The following CEP41 variants were observed in gnomAD, a reference collection of about 807,000 sequenced individuals.
CEP41 encodes centrosomal protein of 41 kDa.
Under a neutral mutation model 44.3 loss-of-function variants are expected in CEP41, and 32 were observed. The ratio of observed to expected loss-of-function variants is 0.72; its 90% CI spans 0.54 to 0.97. The LOEUF (loss-of-function observed/expected upper bound fraction) is 0.97. Ranked by LOEUF, CEP41 falls within the 50% of genes least tolerant of loss-of-function variation. The pLI, the probability that CEP41 is intolerant of heterozygous loss-of-function variation, is 0.00. For missense variants in CEP41, 432 were observed against 455.2 expected, an observed-to-expected ratio of 0.95 and a Z score of 0.46; for synonymous variants, 151 against 168.5, an observed-to-expected ratio of 0.90 and a Z score of 0.80.
rs184301782 is a variant in CEP41 at position 130,435,156 on chromosome 7, C to A, written c.33+5778G>T. On this transcript the variant is annotated intron_variant, in intron 1 of 10. Coordinates refer to ENST00000223208, the MANE Select transcript of CEP41 (RefSeq NM_018718.3). Reference sequence around the variant, plus strand: ...TAAAACTCTTATATTTCTCTCCATCCCCCAATCACACACATGTTCAAATGT... The same window carrying A: ...TAAAACTCTTATATTTCTCTCCATCACCCAATCACACACATGTTCAAATGT... 1.8e-4 allele frequency among the ~76,000 whole-genome samples: 28 copies of A among 152,156 alleles called. No homozygotes were observed. In the East Asian group the frequency reaches 5.4e-3, roughly 29 times the overall value.
Position 130,397,506 on chromosome 7 carries a change from A to ATTTT in CEP41, c.*1381_*1384dup, listed in dbSNP as rs55776575. The ATTTT allele has an allele frequency of 1.6e-3, 479 of 303,650 alleles. 6 individuals carry two copies. The highest frequency in any genetic ancestry group is 2.6e-3 in the African/African-American group (56 of 21,184). The allele number at this position is 303,650 out of a possible 1,614,324, so 18.8% of individuals were successfully genotyped here. ...CCCCATGCTAGAAATACTGTGGTGC[A>ATTTT]TTTTTTTTTTTTTTTTTTTTTTTTT... On this transcript the variant is annotated 3_prime_UTR_variant, in exon 11 of 11. Coordinates refer to ENST00000223208, the MANE Select transcript of CEP41 (RefSeq NM_018718.3).
chr7:130,400,320 G>A, intron 9 of CEP41, 66 bp from the exon 10 acceptor site: 1 of 1,104,458 alleles, frequency 9.1e-7, no homozygotes, highest in Non-Finnish European at 1.4e-6. Flanking sequence ...AACCTGGAAA[G>A]AAGCCTGCAT....
rs1554417279 is a variant in CEP41 at position 130,402,706 on chromosome 7, G to A, written c.516C>T (p.Pro172=). ...HTKDKPYPDC[P]FLLLDVRDRD... ...TATCACGCACATCTAGCAGCAGGAA[G>A]GGGCAGTCAGGATAAGGTTTGTCTT... Residue 172 remains proline, a synonymous_variant, in exon 7 of 11, where the codon CCC becomes CCT. Transcript: ENST00000223208. 1.1e-5 allele frequency: 18 copies of A among 1,614,162 alleles called. No individual in the cohort carries two copies. The highest frequency in any genetic ancestry group is 1.4e-5 in the Non-Finnish European group (16 of 1,180,010).
intron 7 of CEP41, 80 bp downstream of exon 7, chr7:130,402,568 T>A (rs2117564163): frequency 6.8e-7 from 1 of 1,470,912 alleles, no homozygotes; most frequent in African/African-American, 1.4e-5. Flanking sequence ...TACCATGGGC[T>A]GTGGTTCCAG....
intron 4 of CEP41, 182 bp downstream of exon 4, chr7:130,411,996 CA>C: frequency 1.7e-6 from 1 of 592,472 alleles, no homozygotes; most frequent in East Asian, 2.8e-5. Context: ...AAGAGAGAAA[CA>C]TTTCTCACCA....
intron 3 of CEP41, among the ~76,000 whole-genome samples, chr7:130,413,634 G>C (rs940310921): frequency 7.9e-5 from 12 of 151,122 alleles, no homozygotes; most frequent in Non-Finnish European, 1.8e-4. Context: ...GTGCTGTCTT[G>C]ACAATTCTGA....
intron 1 of CEP41, among the ~76,000 whole-genome samples, chr7:130,438,591 A>T (rs945549064): frequency 7.9e-5 from 12 of 151,956 alleles, no homozygotes; most frequent in African/African-American, 2.9e-4. Flanking sequence ...AATAGTAACC[A>T]CTTAACCAAT....
chr7:130,419,361 T>C (rs183310377), intron 2 of CEP41: 1 of 985,424 alleles, frequency 1.0e-6, no homozygotes, highest in East Asian at 1.1e-4. Flanking sequence ...TAAAAATGGT[T>C]TGAGAAAGTA....
At chr7:130,441,218 G>C (rs558330338), upstream of CEP41, 3 of 645,750 alleles carry the variant, frequency 4.6e-6, no homozygotes, top group Non-Finnish European at 8.5e-6. Context: ...TCTGGGCTGG[G>C]GCTCGCCGGC....
At chr7:130,420,016 A>G in intron 2 of CEP41, 7 of 985,338 alleles carry the variant, frequency 7.1e-6, no homozygotes, top group Non-Finnish European at 8.4e-6. Flanking sequence ...CATAGGAGAC[A>G]CTCAAAAATA....
chr7:130,401,164 G>A (rs548883261), intron 8 of CEP41: 19 of 305,814 alleles, frequency 6.2e-5, no homozygotes, highest in South Asian at 2.9e-4. Flanking sequence ...TATGCCTAAT[G>A]TGTCCACTGA....
intron 1 of CEP41, among the ~76,000 whole-genome samples, chr7:130,434,688 C>T (rs1797912112): frequency 6.6e-6 from 1 of 152,098 alleles, no homozygotes; most frequent in Non-Finnish European, 1.5e-5. Context: ...AAAAGCAAAT[C>T]GTATACAAAT....
upstream of CEP41, chr7:130,441,273 T>C: frequency 6.1e-6 from 1 of 162,664 alleles, no homozygotes; most frequent in South Asian, 6.8e-5. Flanking sequence ...AGGGGAAGGC[T>C]GGCGCCTGCG....
chr7:130,407,638 T>C (rs782286148), intron 5 of CEP41, among the ~76,000 whole-genome samples: 16 of 152,182 alleles, frequency 1.1e-4, no homozygotes, highest in Non-Finnish European at 1.9e-4. Context: ...ATTTCTCAAC[T>C]ATCTGGAAAA....
At chr7:130,423,861 A>G (rs1797582580) in intron 2 of CEP41, among the ~76,000 whole-genome samples, 1 of 152,074 alleles carries the variant, frequency 6.6e-6, no homozygotes, top group Non-Finnish European at 1.5e-5. Context: ...AGCCAGACAT[A>G]AAAGGCTACA....
intron 2 of CEP41, chr7:130,420,195 T>A: frequency 6.1e-6 from 2 of 330,562 alleles, no homozygotes; most frequent in Non-Finnish European, 8.6e-6. Flanking sequence ...CCAGGCATGG[T>A]GGCACATCCC....
intron 2 of CEP41, among the ~76,000 whole-genome samples, chr7:130,427,160 T>C (rs1584900271): frequency 1.3e-5 from 2 of 152,266 alleles, no homozygotes; most frequent in East Asian, 3.9e-4. Context: ...TTTTCTCAAT[T>C]GTCTTGAGGT....
upstream of CEP41, chr7:130,441,205 T>C (rs953359367): frequency 3.0e-6 from 2 of 665,194 alleles, no homozygotes; most frequent in Admixed American, 4.1e-5. Flanking sequence ...AGGCCTTTTG[T>C]TCTCTGGGCT....
At chr7:130,437,778 A>AAG (rs1554426508) in intron 1 of CEP41, among the ~76,000 whole-genome samples, 7 of 105,778 alleles carry the variant, frequency 6.6e-5, no homozygotes, top group East Asian at 2.8e-4. Flanking sequence ...AAAAAAAAAA[A>AAG]AAAAAAAAAA....
Sources: gnomAD v4.1 joint callset for allele counts (sites outside exome capture counted in the v4.1 genomes callset) on GRCh38, gnomAD v4.1.1 for gene constraint, MANE v1.5 for transcripts, NCBI Gene and HGNC (gene_info 2026-07-23, HGNC 2026-07-21) for gene names.